ZNF577: variants seen among roughly 807,000 people sequenced by gnomAD.
ZNF577 encodes zinc finger protein 577.
Under a neutral mutation model 13.9 loss-of-function variants are expected in ZNF577, and 14 were observed. That is an observed-to-expected ratio of 1.00 (90% confidence interval 0.66 to 1.57). ZNF577 has a LOEUF of 1.57. Among genes scored for constraint, ZNF577 ranks in the 40% most tolerant of loss-of-function variants. ZNF577 has a pLI of 0.00. For missense variants in ZNF577, 555 were observed against 579.2 expected (o/e 0.96, Z 0.43); for synonymous variants, 203 against 202.9 (o/e 1.00, Z 0.00).
intron 5 of ZNF577, among the ~76,000 whole-genome samples, chr19:51,874,661 A>AT (rs1457202361): frequency 2.6e-5 from 4 of 152,234 alleles, no homozygotes; most frequent in Non-Finnish European, 5.9e-5. Context: ...GCCACCAAAC[A>AT]TTTTTTTGCC....
At chr19:51,858,295 T>C (rs190322903) in intron 5 of ZNF577, among the ~76,000 whole-genome samples, 7 of 152,370 alleles carry the variant, frequency 4.6e-5, no homozygotes, top group Admixed American at 4.6e-4. Context: ...TCTCAGGCTG[T>C]ATCTGTGACT....
intron 9 of ZNF577, among the ~76,000 whole-genome samples, chr19:51,815,087 G>C (rs2084125551): frequency 1.3e-5 from 2 of 152,122 alleles, no homozygotes; most frequent in South Asian, 2.1e-4. Flanking sequence ...TGGGATTGCA[G>C]GCGCGAGCCA....
chr19:51,835,734 C>T (rs1443801441), intron 9 of ZNF577, among the ~76,000 whole-genome samples: 1 of 152,086 alleles, frequency 6.6e-6, no homozygotes, highest in African/African-American at 2.4e-5. Flanking sequence ...GCTCTGTTCC[C>T]CAGGCTGGAG....
At position 51,887,948 on chromosome 19, in the gene ZNF577, T is replaced by C. The variant is rs2084980758; in HGVS notation, c.-1346A>G. On this transcript the variant is annotated 5_prime_UTR_variant, in exon 1 of 6. Transcript: ENST00000638348. Reference sequence around the variant, plus strand: ...ACACTGCAGACGCGACACTCGCAAGTTTCGGGGATGGCGGCCGGCGAGGGC... The same window carrying C: ...ACACTGCAGACGCGACACTCGCAAGCTTCGGGGATGGCGGCCGGCGAGGGC... The C allele has an allele frequency of 6.6e-6, 1 of 152,174 alleles. No homozygotes were observed. Among genetic ancestry groups the C allele is most frequent in the Non-Finnish European group, 1.5e-5 (1 of 68,038 alleles). The allele number at this position is 152,174 out of a possible 1,614,324, so 9.4% of individuals were successfully genotyped here.
chr19:51,883,503 T>TA (rs1568451504), intron 1 of ZNF577, among the ~76,000 whole-genome samples: 2 of 152,022 alleles, frequency 1.3e-5, no homozygotes, highest in Non-Finnish European at 2.9e-5. Flanking sequence ...TAGTTCAACT[T>TA]AGAGGTTTGA....
In ZNF577 at chr19:51,867,316, G is replaced by A. The variant is rs1467822656; in HGVS notation, c.*5216C>T. On this transcript the variant is annotated 3_prime_UTR_variant, in exon 6 of 6. Coordinates refer to ENST00000638348, the MANE Select transcript of ZNF577 (RefSeq NM_001370449.1). ...TTTTTTTCTTCGGTTCTTAGGAAAA[G>A]GATATCATTTCTAAGGTATGATCTA... Among the ~76,000 whole-genome samples, 2 of 152,094 alleles carry A rather than the reference G, an allele frequency of 1.3e-5. No homozygotes were observed. The highest frequency in any genetic ancestry group is 4.8e-5 in the African/African-American group (2 of 41,404).
intron 5 of ZNF577, among the ~76,000 whole-genome samples, chr19:51,874,286 C>T (rs2084719745): frequency 6.6e-6 from 1 of 152,154 alleles, no homozygotes; most frequent in Admixed American, 6.6e-5. Context: ...CTCCATGAAC[C>T]TGTCATTCAG....
chr19:51,877,455 A>T (rs1465225804), intron 4 of ZNF577, 78 bp from the exon 5 acceptor site: 2 of 1,199,688 alleles, frequency 1.7e-6, no homozygotes, highest in Non-Finnish European at 2.5e-6. Context: ...ATGTCTCAGG[A>T]ACCACAGCAT....
intron 9 of ZNF577, among the ~76,000 whole-genome samples, chr19:51,836,780 A>T (rs1301475693): frequency 6.6e-6 from 1 of 152,234 alleles, no homozygotes; most frequent in Non-Finnish European, 1.5e-5. Flanking sequence ...GCAGTAGCTC[A>T]CGCCTGTAAT....
At chr19:51,826,563 T>C (rs998944084) in intron 9 of ZNF577, among the ~76,000 whole-genome samples, 10 of 152,234 alleles carry the variant, frequency 6.6e-5, no homozygotes, top group African/African-American at 2.4e-4. Flanking sequence ...TCATCCCAAT[T>C]ACCAAACTTT....
intron 3 of ZNF577, among the ~76,000 whole-genome samples, chr19:51,879,989 A>G (rs1221503188): frequency 1.3e-5 from 2 of 152,144 alleles, no homozygotes; most frequent in African/African-American, 2.4e-5. Flanking sequence ...TGCTGTCTCA[A>G]TAACAAAAAT....
intron 3 of ZNF577, chr19:51,878,865 T>A (rs565216747): frequency 7.2e-5 from 13 of 181,516 alleles, no homozygotes; most frequent in Admixed American, 6.0e-4. Flanking sequence ...GAGGTAGATG[T>A]ATACATACCC....
intron 9 of ZNF577, chr19:51,823,988 C>G: frequency 6.8e-6 from 11 of 1,614,070 alleles, no homozygotes; most frequent in Non-Finnish European, 7.6e-6. Flanking sequence ...TCCTACCATT[C>G]CGAATGGTCT....
intron 9 of ZNF577, among the ~76,000 whole-genome samples, chr19:51,822,958 G>A (rs2084201443): frequency 6.6e-6 from 1 of 152,108 alleles, no homozygotes; most frequent in Admixed American, 6.6e-5. Context: ...TGCCTCCCAG[G>A]TTCAAGCAAT....
chr19:51,884,553 CAAT>C (rs2084913001), intron 1 of ZNF577, among the ~76,000 whole-genome samples: 1 of 151,794 alleles, frequency 6.6e-6, no homozygotes, highest in Non-Finnish European at 1.5e-5. Context: ...GAGATGACTC[CAAT>C]ATTATGTAAC....
In ZNF577 at chr19:51,873,263, T is replaced by TGTAGG. The variant is rs1440935833; in HGVS notation, c.722_726dup (p.Arg243ProfsTer73). On this transcript the variant is annotated frameshift_variant, in exon 6 of 6. Transcript: ENST00000638348. LOFTEE classifies it low-confidence loss of function (END_TRUNC). The stretch of plus-strand genomic sequence containing the variant: ...AAGGCTTTTCCGCATTTGCTGCATC[T>TGTAGG]GTAGGGTTTCTCTCCTGTATGGGTT... The TGTAGG allele has an allele frequency of 1.5e-5, 25 of 1,612,946 alleles. No homozygotes were observed. Among genetic ancestry groups the TGTAGG allele is most frequent in the Non-Finnish European group, 1.8e-5 (21 of 1,179,118 alleles).
At chr19:51,812,137 A>G (rs553111635) in intron 9 of ZNF577, among the ~76,000 whole-genome samples, 1 of 152,260 alleles carries the variant, frequency 6.6e-6, no homozygotes, top group Non-Finnish European at 1.5e-5. Flanking sequence ...GACATAATAA[A>G]TAATACATTA....
At chr19:51,810,986 T>C (rs2084092783) in intron 10 of ZNF577, among the ~76,000 whole-genome samples, 1 of 152,228 alleles carries the variant, frequency 6.6e-6, no homozygotes, top group Non-Finnish European at 1.5e-5. Flanking sequence ...CAGATGTTTC[T>C]GCAACTGGAG....
intron 5 of ZNF577, among the ~76,000 whole-genome samples, chr19:51,857,413 A>AGAAAGAAAGAAAGAAG (rs2084444002): frequency 1.8e-5 from 2 of 108,686 alleles, no homozygotes; most frequent in Admixed American, 9.0e-5. Flanking sequence ...AAAGAAAGAA[A>AGAAAGAAAGAAAGAAG]GAAAGAAAGA....
Sources: gnomAD v4.1 joint callset for allele counts (sites outside exome capture counted in the v4.1 genomes callset) on GRCh38, gnomAD v4.1.1 for gene constraint, MANE v1.5 for transcripts, NCBI Gene and HGNC (gene_info 2026-07-23, HGNC 2026-07-21) for gene names.